Variants in IP6K1 observed in about 807,000 individuals in gnomAD.
IP6K1 encodes inositol hexakisphosphate kinase 1, also known as ATP:1D-myo-inositol-hexakisphosphate phosphotransferase.
In IP6K1, 13 loss-of-function variants were observed where a neutral mutation model predicts 38.3. The ratio of observed to expected loss-of-function variants is 0.34; its 90% CI spans 0.22 to 0.54. IP6K1 has a LOEUF of 0.54. Among genes scored for constraint, IP6K1 ranks in the 20% least tolerant of loss-of-function variants. IP6K1 has a pLI of 0.92. For missense variants in IP6K1, 397 were observed against 599.8 expected (o/e 0.66, Z 3.53); for synonymous variants, 212 against 229.9 (o/e 0.92, Z 0.70).
intron 1 of IP6K1, among the ~76,000 whole-genome samples, chr3:49,780,306 T>TCACACACACACACACACA (rs1405695613): frequency 0.012 from 128 of 10,864 alleles, 1 homozygote; most frequent in East Asian, 0.054. Context: ...TTATCATCTT[T>TCACACACACACACACACA]CATACACACA....
At chr3:49,753,157 A>G (rs975646298) in intron 1 of IP6K1, among the ~76,000 whole-genome samples, 3 of 151,444 alleles carry the variant, frequency 2.0e-5, no homozygotes, top group Non-Finnish European at 4.4e-5. Context: ...TTCACTTCCT[A>G]CCCTTGTCTC....
In IP6K1 at chr3:49,728,287, C is replaced by T. The variant is rs745802340; in HGVS notation, c.617-9G>A. 9.3e-6 allele frequency: 15 copies of T among 1,610,552 alleles called. 1 individual carries two copies. In the South Asian group the frequency reaches 1.1e-4, roughly 12 times the overall value. On this transcript the variant is annotated splice_polypyrimidine_tract_variant and intron_variant, in intron 4 of 5. Transcript: ENST00000321599. ...CTCAAGCAGGAGGAACTCTGGGCCACGGTCAAGGAGAATGACAACCACACT... is the reference window on the plus strand; with the variant it reads ...CTCAAGCAGGAGGAACTCTGGGCCATGGTCAAGGAGAATGACAACCACACT...
intron 4 of IP6K1, 28 bp from the exon 5 acceptor site, chr3:49,728,306 C>A: frequency 1.2e-6 from 2 of 1,602,916 alleles, no homozygotes; most frequent in Non-Finnish European, 1.7e-6. Context: ...AGAATGACAA[C>A]CACACTCACC....
intron 1 of IP6K1, among the ~76,000 whole-genome samples, chr3:49,770,224 G>A (rs2080945272): frequency 6.6e-6 from 1 of 152,132 alleles, no homozygotes; most frequent in African/African-American, 2.4e-5. Context: ...ACTGTTTGCT[G>A]TTTTAAACTG....
In IP6K1 at chr3:49,760,571, C is replaced by T. The variant is rs565843379; in HGVS notation, c.-128-12403G>A. Among the ~76,000 whole-genome samples the T allele has an allele frequency of 1.3e-4, 19 of 148,908 alleles. No individual in the cohort carries two copies. In the South Asian group the frequency reaches 4.0e-3, roughly 31 times the overall value. On this transcript the variant is annotated intron_variant, in intron 1 of 5. Coordinates refer to ENST00000321599, the MANE Select transcript of IP6K1 (RefSeq NM_153273.4). ...CCCGGGAGGCAGAGGTTGCAGTGAG[C>T]CGAGATAGTGCCACTGCACTCCAGC... is the stretch of plus-strand genomic sequence containing the variant.
chr3:49,764,782 G>C (rs1296437955), intron 1 of IP6K1, among the ~76,000 whole-genome samples: 1 of 151,826 alleles, frequency 6.6e-6, no homozygotes, highest in African/African-American at 2.4e-5. Flanking sequence ...GGAAGGCTGA[G>C]GCATGAGAAT....
intron 1 of IP6K1, among the ~76,000 whole-genome samples, chr3:49,779,641 G>T (rs1385025609): frequency 6.6e-6 from 1 of 152,004 alleles, no homozygotes; most frequent in South Asian, 2.1e-4. Context: ...TTTTACTACA[G>T]AGTAAGTTGT....
intron 3 of IP6K1, among the ~76,000 whole-genome samples, chr3:49,734,462 T>C (rs1019103157): frequency 1.5e-5 from 2 of 132,978 alleles, no homozygotes; most frequent in East Asian, 2.4e-4. Flanking sequence ...CAAATGCCAC[T>C]CTCCTCTCCA....
chr3:49,784,320 G>T (rs1193695636), intron 1 of IP6K1, among the ~76,000 whole-genome samples: 1 of 152,046 alleles, frequency 6.6e-6, no homozygotes, highest in Non-Finnish European at 1.5e-5. Context: ...TACATTCAGA[G>T]GTGACAAGAT....
rs1440606377 is a variant in IP6K1, at chr3:49,727,385, C to T, written c.1063G>A (p.Glu355Lys). 6.2e-7 allele frequency: 1 copy of T among 1,614,110 alleles called. No individual in the cohort carries two copies. The part of the protein sequence containing the change: ...RAESCLDRRS[E>K]MRLKHLDMVL... ...ATGTCCAGGTGCTTGAGACGCATCT[C>T]AGACCGGCGGTCCAGGCAGGACTCA... Residue 355 changes from glutamate to lysine, a missense_variant, in exon 6 of 6, where the codon GAG becomes AAG. Around this residue, in one of 3 missense-constraint regions of IP6K1, gnomAD observed 164 missense variants for 213.5 expected, o/e 0.77. Transcript: ENST00000321599. The surrounding 1 kb of genome is among the most constrained non-coding windows in gnomAD (Gnocchi z 5.9).
At position 49,727,361 on chromosome 3, in the gene IP6K1, T is replaced by C; in HGVS notation, c.1087A>G (p.Met363Val). 4 of 1,614,066 alleles carry C rather than the reference T, an allele frequency of 2.5e-6. No homozygotes were observed. The highest frequency in any genetic ancestry group is 3.4e-6 in the Non-Finnish European group (4 of 1,180,002). Reference protein sequence around the residue: ...RSEMRLKHLDMVLPEVASSCG... With the variant: ...RSEMRLKHLDVVLPEVASSCG... ...GATGACGCCACCTCAGGGAGCACCA[T>C]GTCCAGGTGCTTGAGACGCATCTCA... The change falls in exon 6 of 6, where the codon ATG becomes GTG. Residue 363 changes from methionine (M) to valine (V), a missense_variant. Met to Val is a conservative substitution (Grantham distance 21, BLOSUM62 1). Coordinates refer to ENST00000321599, the MANE Select transcript of IP6K1 (RefSeq NM_153273.4). This position sits in a 1 kb window ranked among gnomAD's most constrained non-coding sequence, Gnocchi z 5.9.
rs142020847 is a variant in IP6K1 at position 49,768,759 on chromosome 3, G to T, written c.-129+17595C>A. Among the ~76,000 whole-genome samples the T allele has an allele frequency of 6.6e-5, 10 of 152,102 alleles. No homozygotes were observed. In the South Asian group the frequency reaches 1.0e-3, roughly 16 times the overall value. ...CACTCCAGCCTCGGTGACAGAGTGA[G>T]ACTGAGTCTCAAAAATAAAATAAAA... On this transcript the variant is annotated intron_variant, in intron 1 of 5. Transcript: ENST00000321599.
rs1460834891 is a variant in IP6K1 at position 49,727,609 on chromosome 3, T to C, written c.839A>G (p.Tyr280Cys). The C allele has an allele frequency of 6.2e-7, 1 of 1,614,056 alleles. No individual in the cohort carries two copies. The highest frequency in any genetic ancestry group is 8.5e-7 in the Non-Finnish European group (1 of 1,180,022). The part of the protein sequence containing the change: ...TGHYLCRNKY[Y>C]GRGLSIEGFR... Reference sequence around the variant, plus strand: ...GCCTTCAATGGAGAGCCCACGGCCATAGTACTTGTTCCTGCAGAGGTAATG... The same window carrying C: ...GCCTTCAATGGAGAGCCCACGGCCACAGTACTTGTTCCTGCAGAGGTAATG... The change falls in exon 6 of 6, where the codon TAT (tyrosine) becomes TGT (cysteine). Residue 280 changes from tyrosine to cysteine, a missense_variant. By Grantham distance (194) the Tyr-to-Cys change is radical. This residue lies in a region of IP6K1 where 62 missense variants were observed against 149.2 expected (regional missense o/e 0.42). Coordinates refer to ENST00000321599, the MANE Select transcript of IP6K1 (RefSeq NM_153273.4). The surrounding 1 kb of genome is among the most constrained non-coding windows in gnomAD (Gnocchi z 5.9).
chr3:49,755,723 T>A (rs1184068233), intron 1 of IP6K1, among the ~76,000 whole-genome samples: 2 of 152,204 alleles, frequency 1.3e-5, no homozygotes, highest in Non-Finnish European at 1.5e-5. Flanking sequence ...AGCATTGACA[T>A]GGACTTTGAC....
chr3:49,781,735 C>A (rs1412820350), intron 1 of IP6K1, among the ~76,000 whole-genome samples: 1 of 152,092 alleles, frequency 6.6e-6, no homozygotes. Flanking sequence ...TCCCATAAGC[C>A]TGTAGCAGTT....
chr3:49,766,624 AT>A (rs2108254331), intron 1 of IP6K1, among the ~76,000 whole-genome samples: 1 of 149,758 alleles, frequency 6.7e-6, no homozygotes. Flanking sequence ...AGATCGTGCC[AT>A]TGCACTCCAG....
chr3:49,776,412 G>A (rs549388605), intron 1 of IP6K1, among the ~76,000 whole-genome samples: 20 of 152,010 alleles, frequency 1.3e-4, no homozygotes, highest in Non-Finnish European at 2.5e-4. Context: ...AACTATTCGC[G>A]AGGCTGAGGC....
chr3:49,743,595 CTTGAGCCA>C (rs1330324096), intron 2 of IP6K1, among the ~76,000 whole-genome samples: 1 of 148,802 alleles, frequency 6.7e-6, no homozygotes, highest in Non-Finnish European at 1.5e-5. Context: ...GGGAGGATCA[CTTGAGCCA>C]TAGTTTTTTT....
rs896535640 is a variant in IP6K1, at chr3:49,726,626, C to T, written c.*496G>A. The T allele has an allele frequency of 6.2e-6, 1 of 161,904 alleles. No individual in the cohort carries two copies. Among genetic ancestry groups the T allele is most frequent in the Non-Finnish European group, 1.3e-5 (1 of 74,986 alleles). 10.0% of individuals were successfully genotyped at this position (161,904 alleles called of 1,614,324 possible). A position where few individuals can be genotyped will look rare whatever the true frequency, so the allele number is the denominator to read the frequency against. On this transcript the variant is annotated 3_prime_UTR_variant, in exon 6 of 6. Transcript: ENST00000321599. ...TCAGCCCTGTGGTGCCCTGAGGGCA[C>T]CTATTAAAGAGCTAGCTGACACCCA... is the stretch of plus-strand genomic sequence containing the variant.
Sources: gnomAD v4.1 joint callset for allele counts (sites outside exome capture counted in the v4.1 genomes callset) on GRCh38, gnomAD v4.1.1 for gene constraint, gnomAD v4.1.1 regional missense constraint, Gnocchi (gnomAD v3.1) non-coding constraint, MANE v1.5 for transcripts, NCBI Gene and HGNC (gene_info 2026-07-23, HGNC 2026-07-21) for gene names.